The following SMOC2 variants were observed in gnomAD, a reference collection of about 807,000 sequenced individuals.
The protein encoded by SMOC2 is SPARC-related modular calcium-binding protein 2.
A neutral mutation model predicts 61.4 loss-of-function variants in SMOC2; 39 were observed. The observed-to-expected ratio is 0.64, with a 90% CI of 0.49 to 0.83. SMOC2 has a LOEUF of 0.83. Among genes scored for constraint, SMOC2 ranks in the 40% least tolerant of loss-of-function variants. The pLI, the probability that SMOC2 is intolerant of heterozygous loss-of-function variation, is 0.00. For synonymous variants in SMOC2, 247 were observed against 239.9 expected, an observed-to-expected ratio of 1.03 and a Z score of -0.27; for missense variants, 556 against 592.9, an observed-to-expected ratio of 0.94 and a Z score of 0.65.
intron 2 of SMOC2, among the ~76,000 whole-genome samples, chr6:168,513,439 A>T (rs1330699098): frequency 6.6e-6 from 1 of 152,016 alleles, no homozygotes; most frequent in Non-Finnish European, 1.5e-5. Flanking sequence ...TCTTAGAGTC[A>T]TTCAATGGGA....
chr6:168,566,330 AC>A (rs1020673826), intron 7 of SMOC2, among the ~76,000 whole-genome samples: 27 of 152,242 alleles, frequency 1.8e-4, no homozygotes, highest in African/African-American at 5.8e-4. Context: ...ATGAAATACA[AC>A]AGTTCAGACT....
At chr6:168,564,297 A>G (rs1243541608) in intron 7 of SMOC2, among the ~76,000 whole-genome samples, 2 of 152,002 alleles carry the variant, frequency 1.3e-5, no homozygotes, top group Non-Finnish European at 2.9e-5. Context: ...AAGAGTGCCT[A>G]TTCTTTGCAC....
intron 9 of SMOC2, among the ~76,000 whole-genome samples, chr6:168,649,317 G>A (rs1439491288): frequency 6.6e-6 from 1 of 152,182 alleles, no homozygotes; most frequent in Non-Finnish European, 1.5e-5. Context: ...TCCTGCTGTG[G>A]TGAGGACGGT....
intron 9 of SMOC2, among the ~76,000 whole-genome samples, chr6:168,609,602 A>T (rs1180042401): frequency 6.6e-6 from 1 of 152,030 alleles, no homozygotes; most frequent in African/African-American, 2.4e-5. Context: ...CTCCTCCTCC[A>T]TTATCTGGTG....
At chr6:168,473,334 G>A (rs1425168817) in intron 1 of SMOC2, among the ~76,000 whole-genome samples, 1 of 152,208 alleles carries the variant, frequency 6.6e-6, no homozygotes, top group East Asian at 1.9e-4. Flanking sequence ...AGCAGGGACT[G>A]CGGGCACTGC....
At chr6:168,558,880 CGTGTGTGCGTGTGCAT>C (rs903774598) in intron 7 of SMOC2, among the ~76,000 whole-genome samples, 5 of 116,720 alleles carry the variant, frequency 4.3e-5, no homozygotes, top group African/African-American at 1.5e-4. Flanking sequence ...CATGTGTGTG[CGTGTGTGCGTGTGCAT>C]GTGTGTGCAC....
intron 4 of SMOC2, among the ~76,000 whole-genome samples, chr6:168,536,356 A>C (rs1240548534): frequency 6.6e-6 from 1 of 152,062 alleles, no homozygotes; most frequent in Non-Finnish European, 1.5e-5. Flanking sequence ...CATGCAGCTC[A>C]AGGCTGAGAC....
rs549960078 is a variant in SMOC2, at chr6:168,468,125, A to G, written c.84+26671A>G. The stretch of plus-strand genomic sequence containing the variant: ...GTACTCTTCTTTTCTCCTTGGCTCA[A>G]TGAAGGCTTTCTTGTTGAGTCAGTG... On this transcript the variant is annotated intron_variant, in intron 1 of 12. Transcript: ENST00000356284. Among the ~76,000 whole-genome samples, 22 of 152,306 alleles carry G rather than the reference A, an allele frequency of 1.4e-4. No individual in the cohort carries two copies. The South Asian group carries it at 1.4e-3, about 10-fold the overall frequency.
intron 9 of SMOC2, among the ~76,000 whole-genome samples, chr6:168,622,826 T>G (rs1786279752): frequency 6.6e-6 from 1 of 152,104 alleles, no homozygotes; most frequent in African/African-American, 2.4e-5. Flanking sequence ...CTGGCATCCA[T>G]AGAAGGGACA....
intron 7 of SMOC2, among the ~76,000 whole-genome samples, chr6:168,595,702 A>T (rs922753789): frequency 6.6e-6 from 1 of 152,232 alleles, no homozygotes; most frequent in East Asian, 1.9e-4. Context: ...GCCCTCATCA[A>T]CCACGATGTT....
At chr6:168,567,082 G>T (rs1784562831) in intron 7 of SMOC2, among the ~76,000 whole-genome samples, 2 of 152,014 alleles carry the variant, frequency 1.3e-5, no homozygotes, top group African/African-American at 4.8e-5. Context: ...CAACTAAAAG[G>T]CATTTTTTCT....
intron 1 of SMOC2, among the ~76,000 whole-genome samples, chr6:168,447,371 A>G: frequency 6.6e-6 from 1 of 152,158 alleles, no homozygotes; most frequent in Admixed American, 6.5e-5. Context: ...CCAAATTAGA[A>G]GAAACTTCCT....
chr6:168,566,509 G>A (rs1220826194), intron 7 of SMOC2, among the ~76,000 whole-genome samples: 4 of 128,648 alleles, frequency 3.1e-5, no homozygotes, highest in Admixed American at 1.8e-4. Flanking sequence ...TTGAAACAGA[G>A]TCTTGCTCTG....
At chr6:168,555,332 G>T (rs1211895143) in intron 7 of SMOC2, among the ~76,000 whole-genome samples, 3 of 152,250 alleles carry the variant, frequency 2.0e-5, no homozygotes, top group Admixed American at 6.5e-5. Flanking sequence ...AATATCCGGG[G>T]TCCTGTGACC....
At chr6:168,486,754 T>TACAAA (rs112463258) in intron 1 of SMOC2, among the ~76,000 whole-genome samples, 269 of 152,082 alleles carry the variant, frequency 1.8e-3, no homozygotes, top group African/African-American at 4.7e-3. Context: ...AACGGCATTT[T>TACAAA]ACAAAACAAA....
intron 7 of SMOC2, among the ~76,000 whole-genome samples, chr6:168,577,948 A>G (rs1274698208): frequency 6.6e-6 from 1 of 152,224 alleles, no homozygotes; most frequent in Non-Finnish European, 1.5e-5. Flanking sequence ...AAATGGAAGT[A>G]GTTGCGTTTG....
intron 2 of SMOC2, among the ~76,000 whole-genome samples, chr6:168,518,191 G>A (rs966137735): frequency 3.3e-5 from 5 of 152,242 alleles, no homozygotes; most frequent in African/African-American, 1.2e-4. Flanking sequence ...CCCGGGGCCG[G>A]AGTGTCGCCT....
At chr6:168,495,909 G>A (rs6919651) in intron 1 of SMOC2, among the ~76,000 whole-genome samples, 27,349 of 152,170 alleles carry the variant, frequency 0.18, 5,356 homozygotes, top group African/African-American at 0.47. Context: ...TGAGCGGTCA[G>A]GGCCGGGCCG....
chr6:168,574,264 G>T (rs78922776), intron 7 of SMOC2, among the ~76,000 whole-genome samples: 1 of 152,346 alleles, frequency 6.6e-6, no homozygotes, highest in Non-Finnish European at 1.5e-5. Context: ...TGGGCAGGGC[G>T]GGTAGGTCGA....
Sources: allele counts gnomAD v4.1 joint callset (sites outside exome capture counted in the v4.1 genomes callset), GRCh38; gene constraint gnomAD v4.1.1; transcripts MANE v1.5; gene names NCBI Gene and HGNC (gene_info 2026-07-23, HGNC 2026-07-21).